CXCR1: variants seen among roughly 807,000 people sequenced by gnomAD.
CXCR1 encodes the protein C-X-C chemokine receptor type 1.
For synonymous variants in CXCR1, 180 were observed against 184.7 expected (o/e 0.97, Z 0.21); for missense variants, 419 against 440.5 (o/e 0.95, Z 0.44).
chr2:218,164,047 C>A lies in CXCR1; in HGVS notation c.*112G>T. The A allele has an allele frequency of 7.6e-7, 1 of 1,308,162 alleles. No homozygotes were observed. The highest frequency in any genetic ancestry group is 1.1e-6 in the Non-Finnish European group (1 of 928,552). 81.0% of individuals were successfully genotyped at this position (1,308,162 alleles called of 1,614,324 possible). On this transcript the variant is annotated 3_prime_UTR_variant, in exon 2 of 2. Coordinates refer to ENST00000295683, the MANE Select transcript of CXCR1 (RefSeq NM_000634.3). Reference sequence around the variant, plus strand: ...CTAACTTCCCCACATCCTATAGCGTCCCCCCAAAACCCAGATAGTGCCTGT... The same window carrying A: ...CTAACTTCCCCACATCCTATAGCGTACCCCCAAAACCCAGATAGTGCCTGT...
intron 1 of CXCR1, among the ~76,000 whole-genome samples, chr2:218,165,694 A>G (rs1691273923): frequency 6.6e-6 from 1 of 152,156 alleles, no homozygotes; most frequent in South Asian, 2.1e-4. Context: ...TTCTATTCCT[A>G]TGTTCTCCCT....
Position 218,165,246 on chromosome 2 carries a change from T to C in CXCR1, c.-33-2A>G, listed in dbSNP as rs375763567. ...AGTTTCAGCAATGGTTTGATCTAAC[T>C]GGAAGGTTAGAAGGAAGGAAATGTG... is the stretch of plus-strand genomic sequence containing the variant. On this transcript the variant is annotated splice_acceptor_variant, in intron 1 of 1. Coordinates refer to ENST00000295683, the MANE Select transcript of CXCR1 (RefSeq NM_000634.3). LOFTEE classifies it low-confidence loss of function (5UTR_SPLICE). 6.4e-5 allele frequency: 101 copies of C among 1,582,460 alleles called. No individual in the cohort carries two copies. The highest frequency in any genetic ancestry group is 1.7e-4 in the Middle Eastern group (1 of 6,032).
chr2:218,163,817 G>A lies in CXCR1; in HGVS notation c.*342C>T, dbSNP rs1274323169. 6.1e-6 allele frequency: 2 copies of A among 328,276 alleles called. No individual in the cohort carries two copies. Among genetic ancestry groups the A allele is most frequent in the African/African-American group, 4.2e-5 (2 of 47,102 alleles). 20.3% of individuals were successfully genotyped at this position (328,276 alleles called of 1,614,324 possible). A position where few individuals can be genotyped will look rare whatever the true frequency, so the allele number is the denominator to read the frequency against. ...CAACGAGAGCATCCAGCCCTCATGA[G>A]GACACAGCTTCAGCCCTGTTCTCTC... On this transcript the variant is annotated 3_prime_UTR_variant, in exon 2 of 2. Transcript: ENST00000295683.
Position 218,164,296 on chromosome 2 carries a change from C to A in CXCR1, c.916G>T (p.Ala306Ser). ...LHSCLNPIIY[A>S]FIGQNFRHGF... ...TGGCGAAAATTTTGGCCGATGAAGG[C>A]GTAGATGATGGGGTTGAGGCAGCTA... is the stretch of plus-strand genomic sequence containing the variant. Residue 306 changes from alanine (A) to serine (S), a missense_variant, in exon 2 of 2, where the codon GCC becomes TCC. Transcript: ENST00000295683. The A allele has an allele frequency of 6.2e-7, 1 of 1,612,392 alleles. No homozygotes were observed. Among genetic ancestry groups the A allele is most frequent in the Non-Finnish European group, 8.5e-7 (1 of 1,178,566 alleles).
intron 1 of CXCR1, among the ~76,000 whole-genome samples, chr2:218,166,543 T>C (rs1691286917): frequency 6.6e-6 from 1 of 152,234 alleles, no homozygotes; most frequent in Admixed American, 6.5e-5. Flanking sequence ...GACAGAATCA[T>C]CCACCTCTCA....
In CXCR1 at chr2:218,165,623, G is replaced by T. The variant is rs187438901; in HGVS notation, c.-33-379C>A. Among the ~76,000 whole-genome samples, 10 of 152,322 alleles carry T rather than the reference G, an allele frequency of 6.6e-5. No homozygotes were observed. In the East Asian group the frequency reaches 1.9e-3, roughly 29 times the overall value. On this transcript the variant is annotated intron_variant, in intron 1 of 1. Coordinates refer to ENST00000295683, the MANE Select transcript of CXCR1 (RefSeq NM_000634.3). ...AGGTTGGTCTTAGACATTCAGGGAAGGGCCAGCATTAAGCAAAATGCAAGA... is the reference window on the plus strand; with the variant it reads ...AGGTTGGTCTTAGACATTCAGGGAATGGCCAGCATTAAGCAAAATGCAAGA...
In CXCR1 at chr2:218,163,849, T is replaced by A; in HGVS notation, c.*310A>T. On this transcript the variant is annotated 3_prime_UTR_variant, in exon 2 of 2. Coordinates refer to ENST00000295683, the MANE Select transcript of CXCR1 (RefSeq NM_000634.3). ...GCTTCAGCCCTGTTCTCTCATCTAA[T>A]GTCAGATTCGGGGCTCAGATGTGGC... The A allele has an allele frequency of 2.7e-6, 1 of 374,966 alleles. No homozygotes were observed. Among genetic ancestry groups the A allele is most frequent in the Non-Finnish European group, 5.2e-6 (1 of 193,416 alleles). 23.2% of individuals were successfully genotyped at this position (374,966 alleles called of 1,614,324 possible). A position where few individuals can be genotyped will look rare whatever the true frequency, so the allele number is the denominator to read the frequency against.
Position 218,164,936 on chromosome 2 carries a change from C to T in CXCR1, c.276G>A (p.Leu92=). ...ALADLLFALT[L]PIWAASKVNG... is the part of the protein sequence containing the mutation. Reference sequence around the variant, plus strand: ...TCACCTTGGAGGCGGCCCAGATGGGCAAGGTCAGGGCAAAGAGTAGGTCGG... The same window carrying T: ...TCACCTTGGAGGCGGCCCAGATGGGTAAGGTCAGGGCAAAGAGTAGGTCGG... The change falls in exon 2 of 2, where the codon TTG becomes TTA. Residue 92 remains leucine, a synonymous_variant. Transcript: ENST00000295683. 2.5e-6 allele frequency: 4 copies of T among 1,614,216 alleles called. No individual in the cohort carries two copies. The highest frequency in any genetic ancestry group is 2.7e-5 in the African/African-American group (2 of 75,054).
At position 218,164,021 on chromosome 2, in the gene CXCR1, C is replaced by A; in HGVS notation, c.*138G>T. The A allele has an allele frequency of 9.4e-7, 1 of 1,067,222 alleles. No homozygotes were observed. The highest frequency in any genetic ancestry group is 1.3e-5 in the South Asian group (1 of 74,140). 66.1% of individuals were successfully genotyped at this position (1,067,222 alleles called of 1,614,324 possible). On this transcript the variant is annotated 3_prime_UTR_variant, in exon 2 of 2. Transcript: ENST00000295683. ...GGTGTGGCCCCTGAAGACACCAGTT[C>A]CTAACTTCCCCACATCCTATAGCGT... is the stretch of plus-strand genomic sequence containing the variant.
Position 218,164,741 on chromosome 2 carries a change from A to G in CXCR1, c.471T>C (p.Cys157=), listed in dbSNP as rs766334811. 1 of 1,614,248 alleles carries G rather than the reference A, an allele frequency of 6.2e-7. No individual in the cohort carries two copies. The highest frequency in any genetic ancestry group is 8.5e-7 in the Non-Finnish European group (1 of 1,180,042). The part of the protein sequence containing the change: ...TQKRHLVKFV[C]LGCWGLSMNL... ...TCATAGACAGTCCCCAGCAGCCAAG[A>G]CAAACAAACTTGACCAAGTGACGCT... The change falls in exon 2 of 2, where the codon TGT becomes TGC. Residue 157 remains cysteine, a synonymous_variant. Transcript: ENST00000295683.
chr2:218,165,248 G>GATCA lies in CXCR1; in HGVS notation c.-33-5_-33-4insTGAT. 6.4e-7 allele frequency: 1 copy of GATCA among 1,570,128 alleles called. No homozygotes were observed. Among genetic ancestry groups the GATCA allele is most frequent in the Non-Finnish European group, 8.8e-7 (1 of 1,142,650 alleles). Reference sequence around the variant, plus strand: ...TTTCAGCAATGGTTTGATCTAACTGGAAGGTTAGAAGGAAGGAAATGTGAT... The same window carrying GATCA: ...TTTCAGCAATGGTTTGATCTAACTGGATCAAAGGTTAGAAGGAAGGAAATGTGAT... On this transcript the variant is annotated splice_polypyrimidine_tract_variant and splice_region_variant and intron_variant, in intron 1 of 1. Transcript: ENST00000295683.
At position 218,164,927 on chromosome 2, in the gene CXCR1, C is replaced by T. The variant is rs1301321962; in HGVS notation, c.285G>A (p.Trp95Ter). The T allele has an allele frequency of 6.2e-7, 1 of 1,614,204 alleles. No homozygotes were observed. Among genetic ancestry groups the T allele is most frequent in the Admixed American group, 1.7e-5 (1 of 60,024 alleles). The change falls in exon 2 of 2, where the codon TGG (tryptophan) becomes TGA (stop). Residue 95 changes from tryptophan (W) to a stop codon, truncating the protein, a stop_gained. Transcript: ENST00000295683. LOFTEE classifies it low-confidence loss of function (END_TRUNC). ...TCCAGCCATTCACCTTGGAGGCGGCCCAGATGGGCAAGGTCAGGGCAAAGA... is the reference window on the plus strand; with the variant it reads ...TCCAGCCATTCACCTTGGAGGCGGCTCAGATGGGCAAGGTCAGGGCAAAGA... ...DLLFALTLPIWAASKVNGWIF... is the reference protein window; with the variant it reads ...DLLFALTLPI
Position 218,164,011 on chromosome 2 carries a change from G to T in CXCR1, c.*148C>A. Reference sequence around the variant, plus strand: ...TCAGAAGGTTGGTGTGGCCCCTGAAGACACCAGTTCCTAACTTCCCCACAT... The same window carrying T: ...TCAGAAGGTTGGTGTGGCCCCTGAATACACCAGTTCCTAACTTCCCCACAT... On this transcript the variant is annotated 3_prime_UTR_variant, in exon 2 of 2. Transcript: ENST00000295683. 1.1e-6 allele frequency: 1 copy of T among 949,292 alleles called. No homozygotes were observed. The highest frequency in any genetic ancestry group is 1.6e-6 in the Non-Finnish European group (1 of 615,962). The allele number at this position is 949,292 out of a possible 1,614,324, so 58.8% of individuals were successfully genotyped here. A position where few individuals can be genotyped will look rare whatever the true frequency, so the allele number is the denominator to read the frequency against.
rs2234671 is a variant in CXCR1 at position 218,164,385 on chromosome 2, C to G, written c.827G>C (p.Ser276Thr). 0.072 allele frequency: 116,011 copies of G among 1,613,424 alleles called. 5,617 individuals carry two copies. The highest frequency in any genetic ancestry group is 0.21 in the African/African-American group (15,775 of 74,936). ...GCCGATGTTGTTGCGGCGCTCACAG[C>G]TCTCCTGGATCACCTGGGTCCTCAT... Reference protein sequence around the residue: ...TLMRTQVIQESCERRNNIGRA... With the variant: ...TLMRTQVIQETCERRNNIGRA... The change falls in exon 2 of 2, where the codon AGC becomes ACC. Residue 276 changes from serine (S) to threonine (T), a missense_variant. Ser to Thr is a moderately conservative substitution (Grantham distance 58). Coordinates refer to ENST00000295683, the MANE Select transcript of CXCR1 (RefSeq NM_000634.3).
In CXCR1 at chr2:218,164,068, C is replaced by T; in HGVS notation, c.*91G>A. 6.6e-7 allele frequency: 1 copy of T among 1,506,552 alleles called. No homozygotes were observed. The highest frequency in any genetic ancestry group is 1.1e-5 in the South Asian group (1 of 87,156). 93.3% of individuals were successfully genotyped at this position (1,506,552 alleles called of 1,614,324 possible). Reference sequence around the variant, plus strand: ...GCGTCCCCCCAAAACCCAGATAGTGCCTGTCCAGAGCCAGATCACCTTCCA... The same window carrying T: ...GCGTCCCCCCAAAACCCAGATAGTGTCTGTCCAGAGCCAGATCACCTTCCA... On this transcript the variant is annotated 3_prime_UTR_variant, in exon 2 of 2. Coordinates refer to ENST00000295683, the MANE Select transcript of CXCR1 (RefSeq NM_000634.3).
chr2:218,165,823 T>C (rs1691275462), intron 1 of CXCR1, among the ~76,000 whole-genome samples: 1 of 152,228 alleles, frequency 6.6e-6, no homozygotes, highest in African/African-American at 2.4e-5. Context: ...TTCCTCTGTC[T>C]AAAGGAGTTT....
Position 218,164,337 on chromosome 2 carries a change from A to G in CXCR1, c.875T>C (p.Ile292Thr), listed in dbSNP as rs201536122. The part of the protein sequence containing the change: ...NIGRALDATE[I>T]LGFLHSCLNP... ...GAGGCAGCTATGGAGAAATCCCAGAATCTCAGTGGCATCCAGGGCCCGGCC... is the reference window on the plus strand; with the variant it reads ...GAGGCAGCTATGGAGAAATCCCAGAGTCTCAGTGGCATCCAGGGCCCGGCC... The change falls in exon 2 of 2, where the codon ATT (isoleucine) becomes ACT (threonine). Residue 292 changes from isoleucine (I) to threonine (T), a missense_variant. Coordinates refer to ENST00000295683, the MANE Select transcript of CXCR1 (RefSeq NM_000634.3). 191 of 1,611,824 alleles carry G rather than the reference A, an allele frequency of 1.2e-4. No homozygotes were observed. Among genetic ancestry groups the G allele is most frequent in the Middle Eastern group, 8.2e-4 (5 of 6,076 alleles).
chr2:218,164,822 G>A lies in CXCR1; in HGVS notation c.390C>T (p.Cys130=). The change falls in exon 2 of 2, where the codon TGC becomes TGT. Residue 130 remains cysteine, a synonymous_variant. Coordinates refer to ENST00000295683, the MANE Select transcript of CXCR1 (RefSeq NM_000634.3). ...NFYSGILLLA[C]ISVDRYLAIV... ...TGGCCAGGTAACGGTCCACACTGATGCAGGCCAACAGCAGGATGCCACTGT... is the reference window on the plus strand; with the variant it reads ...TGGCCAGGTAACGGTCCACACTGATACAGGCCAACAGCAGGATGCCACTGT... 1.9e-6 allele frequency: 3 copies of A among 1,614,230 alleles called. No individual in the cohort carries two copies. Among genetic ancestry groups the A allele is most frequent in the Middle Eastern group, 1.6e-4 (1 of 6,062 alleles).
intron 1 of CXCR1, among the ~76,000 whole-genome samples, chr2:218,166,438 A>AAAAT (rs536654839): frequency 1.9e-3 from 290 of 152,156 alleles, no homozygotes; most frequent in African/African-American, 5.0e-3. Context: ...ACTCCATCTC[A>AAAAT]AAATAAATAA....
Sources: gnomAD v4.1 joint callset for allele counts (sites outside exome capture counted in the v4.1 genomes callset) on GRCh38, gnomAD v4.1.1 for gene constraint, MANE v1.5 for transcripts, NCBI Gene and HGNC (gene_info 2026-07-23, HGNC 2026-07-21) for gene names.